The following SYT17 variants were observed in gnomAD, a reference collection of about 807,000 sequenced individuals.
The protein encoded by SYT17 is synaptotagmin-17.
Under a neutral mutation model 46.7 loss-of-function variants are expected in SYT17, and 22 were observed. The observed-to-expected ratio is 0.47, with a 90% CI of 0.34 to 0.67. The LOEUF (loss-of-function observed/expected upper bound fraction) is 0.67, where lower values mean the gene tolerates loss of function less well. SYT17 is among the 30% of genes least tolerant of loss of function. SYT17 has a pLI of 0.01. For missense variants in SYT17, 519 were observed against 612.8 expected (o/e 0.85, Z 1.62); for synonymous variants, 251 against 248.4 (o/e 1.01, Z -0.10).
chr16:19,255,750 A>G (rs1968515904), intron 7 of SYT17, among the ~76,000 whole-genome samples: 1 of 152,160 alleles, frequency 6.6e-6, no homozygotes, highest in African/African-American at 2.4e-5. Flanking sequence ...ATGCCACGCC[A>G]CTGCACTCCA....
chr16:19,232,708 G>A (rs1966745564), intron 7 of SYT17, among the ~76,000 whole-genome samples: 1 of 152,064 alleles, frequency 6.6e-6, no homozygotes, highest in Non-Finnish European at 1.5e-5. Context: ...GTGCATGCCT[G>A]TAGTCCCAGC....
rs545057698 is a variant in SYT17 at position 19,220,147 on chromosome 16, A to T, written c.952-2898A>T. Among the ~76,000 whole-genome samples the T allele has an allele frequency of 3.3e-5, 5 of 152,196 alleles. No homozygotes were observed. In the East Asian group the frequency reaches 9.7e-4, roughly 29 times the overall value. ...CTATTTTGAAAATCTCCATACTTGGATACCCAGGGCAGGGCAGCAGGAATG... is the reference window on the plus strand; with the variant it reads ...CTATTTTGAAAATCTCCATACTTGGTTACCCAGGGCAGGGCAGCAGGAATG... On this transcript the variant is annotated intron_variant, in intron 5 of 7. Coordinates refer to ENST00000355377, the MANE Select transcript of SYT17 (RefSeq NM_016524.4).
intron 7 of SYT17, among the ~76,000 whole-genome samples, chr16:19,260,107 G>T (rs1053612996): frequency 7.9e-5 from 12 of 152,032 alleles, no homozygotes; most frequent in African/African-American, 2.9e-4. Context: ...ATAAAGGTTT[G>T]TGGACACCAA....
chr16:19,172,374 T>C, intron 1 of SYT17: 1 of 1,397,438 alleles, frequency 7.2e-7, no homozygotes, highest in Non-Finnish European at 9.2e-7. Flanking sequence ...CATGTCCTTT[T>C]GGGTTGGCTA....
intron 5 of SYT17, among the ~76,000 whole-genome samples, chr16:19,188,287 G>GAACA (rs1357301408): frequency 6.6e-6 from 1 of 152,030 alleles, no homozygotes; most frequent in African/African-American, 2.4e-5. Flanking sequence ...TAAATGCTGA[G>GAACA]AACACATGGA....
At chr16:19,187,201 G>A (rs929624357) in intron 5 of SYT17, among the ~76,000 whole-genome samples, 3 of 151,964 alleles carry the variant, frequency 2.0e-5, no homozygotes, top group Non-Finnish European at 2.9e-5. Flanking sequence ...CACCTGGTTA[G>A]TTTTTAAAAA....
intron 5 of SYT17, among the ~76,000 whole-genome samples, chr16:19,191,711 T>G (rs371430888): frequency 6.6e-6 from 1 of 152,224 alleles, no homozygotes; most frequent in Non-Finnish European, 1.5e-5. Flanking sequence ...AGTGTTAATA[T>G]CAGTAACTGT....
intron 4 of SYT17, among the ~76,000 whole-genome samples, chr16:19,181,582 C>T (rs144133740): frequency 9.2e-5 from 14 of 152,178 alleles, no homozygotes; most frequent in African/African-American, 2.6e-4. Context: ...TCTAGAGCTG[C>T]GCTGTCTGGT....
At chr16:19,253,189 A>G (rs1185784786) in intron 7 of SYT17, among the ~76,000 whole-genome samples, 1 of 152,192 alleles carries the variant, frequency 6.6e-6, no homozygotes, top group Non-Finnish European at 1.5e-5. Flanking sequence ...TAGTGCAGCA[A>G]AGTTGAATGC....
intron 5 of SYT17, among the ~76,000 whole-genome samples, chr16:19,198,185 G>C (rs1965326992): frequency 6.6e-6 from 1 of 152,090 alleles, no homozygotes; most frequent in Non-Finnish European, 1.5e-5. Context: ...ATATGAAATT[G>C]ACCAGTGTCA....
rs139502756 is a variant in SYT17 at position 19,220,024 on chromosome 16, G to A, written c.952-3021G>A. On this transcript the variant is annotated intron_variant, in intron 5 of 7. Transcript: ENST00000355377. ...AGCAGGGTCATGCCCTAAAGACACCGCATCTTCCAAGCCCTTGAGAAGCAG... is the reference window on the plus strand; with the variant it reads ...AGCAGGGTCATGCCCTAAAGACACCACATCTTCCAAGCCCTTGAGAAGCAG... 6.8e-3 allele frequency among the ~76,000 whole-genome samples: 1,031 copies of A among 152,212 alleles called. 14 individuals are homozygous for A. Among genetic ancestry groups the A allele is most frequent in the African/African-American group, 0.023 (964 of 41,522 alleles).
At chr16:19,244,659 C>A (rs1967399026) in intron 7 of SYT17, among the ~76,000 whole-genome samples, 1 of 152,244 alleles carries the variant, frequency 6.6e-6, no homozygotes, top group Admixed American at 6.5e-5. Context: ...TTTCTTGCAC[C>A]ATGGTCCTTC....
intron 5 of SYT17, among the ~76,000 whole-genome samples, chr16:19,194,860 A>C (rs1486379626): frequency 6.6e-6 from 1 of 152,216 alleles, no homozygotes; most frequent in Non-Finnish European, 1.5e-5. Context: ...GGCCTCCCGA[A>C]GTCCTGAGAT....
intron 7 of SYT17, among the ~76,000 whole-genome samples, chr16:19,238,814 T>G (rs919213359): frequency 2.6e-5 from 4 of 151,768 alleles, no homozygotes; most frequent in Non-Finnish European, 5.9e-5. Context: ...CAAGATGCAA[T>G]CTTATGCTCA....
At chr16:19,179,536 G>C (rs909123775) in intron 3 of SYT17, among the ~76,000 whole-genome samples, 1 of 152,024 alleles carries the variant, frequency 6.6e-6, no homozygotes, top group Non-Finnish European at 1.5e-5. Context: ...CAAAATGCTG[G>C]GATTATATGT....
At chr16:19,188,242 C>T (rs1483575487) in intron 5 of SYT17, among the ~76,000 whole-genome samples, 1 of 152,016 alleles carries the variant, frequency 6.6e-6, no homozygotes, top group Non-Finnish European at 1.5e-5. Flanking sequence ...GAATGGAAAA[C>T]CAAATACTCC....
At chr16:19,242,897 TGAA>T (rs1357013736) in intron 7 of SYT17, among the ~76,000 whole-genome samples, 7 of 152,060 alleles carry the variant, frequency 4.6e-5, no homozygotes, top group African/African-American at 1.7e-4. Flanking sequence ...GAAACAGAAC[TGAA>T]GAAGAGATGT....
At chr16:19,223,747 T>TA (rs1424193958) in intron 6 of SYT17, among the ~76,000 whole-genome samples, 1 of 152,158 alleles carries the variant, frequency 6.6e-6, no homozygotes, top group African/African-American at 2.4e-5. Flanking sequence ...GTGCGGTAGC[T>TA]AAAATAAATT....
At chr16:19,196,287 C>G (rs4780783) in intron 5 of SYT17, among the ~76,000 whole-genome samples, 102,949 of 150,834 alleles carry the variant, frequency 0.68, 35,722 homozygotes, top group African/African-American at 0.78. Flanking sequence ...CTGTTGCCCA[C>G]GCTGGAGTGC....
Sources: allele counts gnomAD v4.1 joint callset (sites outside exome capture counted in the v4.1 genomes callset), GRCh38; gene constraint gnomAD v4.1.1; transcripts MANE v1.5; gene names NCBI Gene and HGNC (gene_info 2026-07-23, HGNC 2026-07-21).